DOP1A: variants seen among roughly 807,000 people sequenced by gnomAD.
The protein encoded by DOP1A is protein DOP1A.
DOP1A carries 90 observed loss-of-function variants against 267.6 expected under a neutral mutation model. The observed-to-expected ratio is 0.34, with a 90% CI of 0.28 to 0.40. The LOEUF (loss-of-function observed/expected upper bound fraction) is 0.40, where lower values mean the gene tolerates loss of function less well. DOP1A is among the 10% of genes least tolerant of loss of function. DOP1A has a pLI of 1.00. For synonymous variants in DOP1A, 932 were observed against 999.1 expected, an observed-to-expected ratio of 0.93 and a Z score of 1.27; for missense variants, 2,437 against 2,900.4, an observed-to-expected ratio of 0.84 and a Z score of 3.67.
intron 1 of DOP1A, among the ~76,000 whole-genome samples, chr6:83,086,785 A>T (rs1220632770): frequency 6.6e-6 from 1 of 152,212 alleles, no homozygotes; most frequent in Non-Finnish European, 1.5e-5. Context: ...CTGAAGAGTG[A>T]ATAAAAGATA....
intron 24 of DOP1A, among the ~76,000 whole-genome samples, chr6:83,142,885 A>G (rs1779885141): frequency 6.6e-6 from 1 of 152,192 alleles, no homozygotes; most frequent in Non-Finnish European, 1.5e-5. Context: ...AAAACAAATC[A>G]TGGCACATTA....
Position 83,152,317 on chromosome 6 carries a change from A to G in DOP1A, c.6079A>G (p.Asn2027Asp), listed in dbSNP as rs776911547. ...GTTATCACCTGCAATGGAAACCGCA[A>G]ACATAACTCCTTCTGTATATAGTGT... ...DMLSPAMETANITPSVYSVHA... is the reference protein window; with the variant it reads ...DMLSPAMETADITPSVYSVHA... The change falls in exon 30 of 39, where the codon AAC (asparagine) becomes GAC (aspartate). Residue 2027 changes from asparagine to aspartate, a missense_variant. Coordinates refer to ENST00000349129, the MANE Select transcript of DOP1A (RefSeq NM_015018.4). The G allele has an allele frequency of 6.3e-7, 1 of 1,575,580 alleles. No homozygotes were observed. The highest frequency in any genetic ancestry group is 8.6e-7 in the Non-Finnish European group (1 of 1,163,624).
chr6:83,148,714 A>G, intron 26 of DOP1A, 45 bp from the exon 27 acceptor site: 2 of 1,292,004 alleles, frequency 1.5e-6, no homozygotes, highest in Non-Finnish European at 2.1e-6. Flanking sequence ...CTAGTAGAAA[A>G]CCATAGTTTA....
chr6:83,170,499 T>C, downstream of DOP1A: 1 of 1,601,182 alleles, frequency 6.2e-7, no homozygotes, highest in South Asian at 1.1e-5. Flanking sequence ...GCATTTCATA[T>C]TTGTTACTCT....
Position 83,152,291 on chromosome 6 carries a change from T to C in DOP1A, c.6053T>C (p.Met2018Thr), listed in dbSNP as rs1204153636. ...GTNLESDVED[M>T]LSPAMETANI... ...TTTAATTTTCTCTTATTTATAGATA[T>C]GTTATCACCTGCAATGGAAACCGCA... Residue 2018 changes from methionine (M) to threonine (T), a missense_variant, in exon 30 of 39, where the codon ATG becomes ACG. Met to Thr is a moderately conservative substitution (Grantham distance 81). This residue lies in a region of DOP1A where 216 missense variants were observed against 283.3 expected (regional missense o/e 0.76). Transcript: ENST00000349129. 6 of 1,551,066 alleles carry C rather than the reference T, an allele frequency of 3.9e-6. No homozygotes were observed. The highest frequency in any genetic ancestry group is 2.6e-6 in the Non-Finnish European group (3 of 1,145,366).
intron 7 of DOP1A, 87 bp from the exon 8 acceptor site, chr6:83,118,801 A>T: frequency 9.4e-7 from 1 of 1,066,448 alleles, no homozygotes; most frequent in Non-Finnish European, 1.4e-6. Context: ...CTAATATTCT[A>T]AGCATATTTC....
chr6:83,129,398 T>G lies in DOP1A; in HGVS notation c.2231T>G (p.Leu744Arg). 1 of 1,611,548 alleles carries G rather than the reference T, an allele frequency of 6.2e-7. No homozygotes were observed. Among genetic ancestry groups the G allele is most frequent in the Admixed American group, 1.7e-5 (1 of 59,478 alleles). Residue 744 changes from leucine (L) to arginine (R), a missense_variant, in exon 16 of 39, where the codon CTG becomes CGG. Physicochemically the swap from Leu to Arg is moderately radical, Grantham distance 102. Around this residue, in one of 9 missense-constraint regions of DOP1A, gnomAD observed 498 missense variants for 513.5 expected, o/e 0.97. Transcript: ENST00000349129. ...ISKQKTSKEYLSAFLAACQLF... is the reference protein window; with the variant it reads ...ISKQKTSKEYRSAFLAACQLF... ...AAACAAAAAACTTCTAAAGAATACC[T>G]GTCTGCCTTCCTTGCTGCCTGTCAG...
intron 1 of DOP1A, among the ~76,000 whole-genome samples, chr6:83,075,189 T>C (rs1254678725): frequency 6.6e-6 from 1 of 152,234 alleles, no homozygotes; most frequent in Non-Finnish European, 1.5e-5. Flanking sequence ...ATACACTTAA[T>C]TCATTATTTT....
intron 7 of DOP1A, among the ~76,000 whole-genome samples, chr6:83,115,751 A>G (rs774009427): frequency 6.6e-6 from 1 of 152,094 alleles, no homozygotes; most frequent in Non-Finnish European, 1.5e-5. Context: ...AATACAATAC[A>G]TTGCTAACAA....
chr6:83,129,519 CTCAGTTTTGCT>C lies in DOP1A; in HGVS notation c.2341+13_2341+23del. 6.7e-7 allele frequency: 1 copy of C among 1,495,798 alleles called. No homozygotes were observed. Among genetic ancestry groups the C allele is most frequent in the Non-Finnish European group, 8.9e-7 (1 of 1,129,112 alleles). The allele number at this position is 1,495,798 out of a possible 1,614,324, so 92.7% of individuals were successfully genotyped here. ...AAAAATTGGAGACTGGTAAGGTCATCTCAGTTTTGCTTATATTTCAGTATTGTCTGTAGTAT... is the reference window on the plus strand; with the variant it reads ...AAAAATTGGAGACTGGTAAGGTCATCTATATTTCAGTATTGTCTGTAGTAT... On this transcript the variant is annotated intron_variant, in intron 16 of 38. Coordinates refer to ENST00000349129, the MANE Select transcript of DOP1A (RefSeq NM_015018.4).
At chr6:83,105,314 G>C (rs1413899770) in intron 4 of DOP1A, among the ~76,000 whole-genome samples, 1 of 147,044 alleles carries the variant, frequency 6.8e-6, no homozygotes, top group Non-Finnish European at 1.5e-5. Context: ...AGAGAAGTGA[G>C]CAAGGAAATA....
chr6:83,157,908 G>A (rs956406161), intron 35 of DOP1A, among the ~76,000 whole-genome samples: 1 of 152,146 alleles, frequency 6.6e-6, no homozygotes, highest in Non-Finnish European at 1.5e-5. Flanking sequence ...AAAGAGGAAT[G>A]AGTAAACAAT....
intron 21 of DOP1A, 27 bp downstream of exon 21, chr6:83,139,189 G>C: frequency 6.5e-7 from 1 of 1,543,268 alleles, no homozygotes; most frequent in Non-Finnish European, 8.9e-7. Context: ...AACTTTATTG[G>C]TACTGACATT....
intron 38 of DOP1A, 97 bp from the exon 39 acceptor site, chr6:83,167,765 T>C (rs1786143583): frequency 6.9e-7 from 1 of 1,454,470 alleles, no homozygotes; most frequent in African/African-American, 1.4e-5. Flanking sequence ...TTTGTATTCA[T>C]TTCTTGACCA....
At chr6:83,119,627 T>C in intron 8 of DOP1A, 121 bp from the exon 9 acceptor site, 1 of 671,434 alleles carries the variant, frequency 1.5e-6, no homozygotes, top group Non-Finnish European at 2.6e-6. Flanking sequence ...TTGCTGACAT[T>C]GAATGGGCTA....
At chr6:83,151,437 T>C (rs993367780) in intron 27 of DOP1A, among the ~76,000 whole-genome samples, 156 bp from the exon 28 acceptor site, 1 of 152,212 alleles carries the variant, frequency 6.6e-6, no homozygotes, top group Non-Finnish European at 1.5e-5. Context: ...AGTATGTTTA[T>C]GAATGTCAGT....
intron 11 of DOP1A, 23 bp from the exon 12 acceptor site, chr6:83,122,840 T>C: frequency 7.0e-7 from 1 of 1,422,286 alleles, no homozygotes; most frequent in Non-Finnish European, 9.3e-7. Context: ...TTTTAGTTTT[T>C]GTTTTCTTTT....
rs1375517152 is a variant in DOP1A, at chr6:83,138,076, T to C, written c.4034T>C (p.Ile1345Thr). 2 of 1,613,588 alleles carry C rather than the reference T, an allele frequency of 1.2e-6. No homozygotes were observed. The highest frequency in any genetic ancestry group is 1.3e-5 in the African/African-American group (1 of 74,906). Reference sequence around the variant, plus strand: ...TGTGGAGAGGGAGACATTTCTGAAATTGAGAGTGACATGGGTTCTCCAGGA... The same window carrying C: ...TGTGGAGAGGGAGACATTTCTGAAACTGAGAGTGACATGGGTTCTCCAGGA... ...YSCGEGDISE[I>T]ESDMGSPGSR... is the part of the protein sequence containing the mutation. Residue 1345 changes from isoleucine to threonine, a missense_variant, in exon 21 of 39, where the codon ATT becomes ACT. By Grantham distance (89) the Ile-to-Thr change is moderately conservative. This residue lies in a region of DOP1A where 878 missense variants were observed against 992.9 expected (regional missense o/e 0.88). Transcript: ENST00000349129.
chr6:83,120,543 G>A, intron 9 of DOP1A, 140 bp from the exon 10 acceptor site: 1 of 529,712 alleles, frequency 1.9e-6, no homozygotes. Flanking sequence ...AGAAGGCCAA[G>A]GTTGGTGAAA....
Sources: gnomAD v4.1 joint callset for allele counts (sites outside exome capture counted in the v4.1 genomes callset) on GRCh38, gnomAD v4.1.1 for gene constraint, gnomAD v4.1.1 regional missense constraint, MANE v1.5 for transcripts, NCBI Gene and HGNC (gene_info 2026-07-23, HGNC 2026-07-21) for gene names.